KAZN: variants seen among roughly 807,000 people sequenced by gnomAD.
The protein encoded by KAZN is kazrin, periplakin interacting protein.
KAZN carries 40 observed loss-of-function variants against 87.4 expected under a neutral mutation model. The ratio of observed to expected loss-of-function variants is 0.46; its 90% CI spans 0.36 to 0.60. The LOEUF is 0.60. Among genes scored for constraint, KAZN ranks in the 20% least tolerant of loss-of-function variants. KAZN has a pLI of 0.00. For missense variants in KAZN, 898 were observed against 1,073.9 expected (o/e 0.84, Z 2.29); for synonymous variants, 466 against 458.3 (o/e 1.02, Z -0.22).
At chr1:14,447,691 G>A (rs1667061674) in intron 2 of KAZN, among the ~76,000 whole-genome samples, 1 of 152,038 alleles carries the variant, frequency 6.6e-6, no homozygotes, top group Non-Finnish European at 1.5e-5. Flanking sequence ...TCTGGCTCAG[G>A]AATTCATCTC....
rs1190801312 is a variant in KAZN at position 14,716,460 on chromosome 1, CTGTT to C, written c.226+117239_226+117242del. 2.6e-5 allele frequency among the ~76,000 whole-genome samples: 4 copies of C among 152,160 alleles called. No individual in the cohort carries two copies. In the East Asian group the frequency reaches 7.7e-4, roughly 29 times the overall value. On this transcript the variant is annotated intron_variant, in intron 1 of 14. Transcript: ENST00000376030. ...CTTTCCAATCTTTTTTCACATCTGTCTGTTTCATTCCGTTCCCACTGCCGCCCAG... is the reference window on the plus strand; with the variant it reads ...CTTTCCAATCTTTTTTCACATCTGTCTCATTCCGTTCCCACTGCCGCCCAG...
chr1:13,914,250 C>G (rs572557363), intron 1 of KAZN, among the ~76,000 whole-genome samples: 10 of 152,332 alleles, frequency 6.6e-5, no homozygotes, highest in African/African-American at 2.4e-4. Flanking sequence ...GCCCTCCTGC[C>G]GTGCCTCAGG....
At position 14,689,800 on chromosome 1, in the gene KAZN, G is replaced by A. The variant is rs573841775; in HGVS notation, c.226+90577G>A. Among the ~76,000 whole-genome samples, 3 of 152,332 alleles carry A rather than the reference G, an allele frequency of 2.0e-5. No individual in the cohort carries two copies. In the South Asian group the frequency reaches 6.2e-4, roughly 32 times the overall value. The stretch of plus-strand genomic sequence containing the variant: ...GTGTTCATCTTGTCCCGGGGCAGAG[G>A]GCGTGGTGAGACCCTCAGATGGCAG... On this transcript the variant is annotated intron_variant, in intron 1 of 14. Transcript: ENST00000376030.
intron 1 of KAZN, among the ~76,000 whole-genome samples, chr1:14,170,522 T>C (rs530916720): frequency 6.6e-6 from 1 of 152,118 alleles, no homozygotes; most frequent in African/African-American, 2.4e-5. Context: ...TTAAAAAAAA[T>C]TGCGGTAAAA....
chr1:14,699,929 G>A (rs543960333), intron 1 of KAZN, among the ~76,000 whole-genome samples: 1 of 152,242 alleles, frequency 6.6e-6, no homozygotes, highest in South Asian at 2.1e-4. Context: ...CACTAGAGTG[G>A]GCCAGACAAA....
chr1:14,929,868 A>C, intron 1 of KAZN: 1 of 985,420 alleles, frequency 1.0e-6, no homozygotes, highest in Non-Finnish European at 1.2e-6. Flanking sequence ...GGCGGCTTCT[A>C]TGAAGGTGGG....
At chr1:14,647,651 G>A (rs979432899) in intron 1 of KAZN, among the ~76,000 whole-genome samples, 7 of 152,306 alleles carry the variant, frequency 4.6e-5, no homozygotes, top group South Asian at 4.1e-4. Context: ...AATTGTTACC[G>A]TGTGGGAATC....
At chr1:14,961,762 C>T (rs1377630313) in intron 2 of KAZN, among the ~76,000 whole-genome samples, 1 of 152,148 alleles carries the variant, frequency 6.6e-6, no homozygotes, top group African/African-American at 2.4e-5. Context: ...ACAATGAATC[C>T]TCTTTAAAAA....
chr1:14,471,533 G>T (rs1199905117), intron 2 of KAZN, among the ~76,000 whole-genome samples: 2 of 152,072 alleles, frequency 1.3e-5, no homozygotes, highest in Non-Finnish European at 1.5e-5. Context: ...AGAACCATTG[G>T]GGAACGTTGA....
chr1:14,868,942 C>T (rs1268500730), intron 1 of KAZN, among the ~76,000 whole-genome samples: 3 of 152,114 alleles, frequency 2.0e-5, no homozygotes, highest in Admixed American at 1.3e-4. Context: ...TGCATCTGTT[C>T]TACTCGGTGA....
intron 2 of KAZN, among the ~76,000 whole-genome samples, chr1:14,984,375 CAAAAAAA>C (rs879713609): frequency 6.7e-6 from 1 of 149,928 alleles, no homozygotes; most frequent in Non-Finnish European, 1.5e-5. Context: ...GACTCTGTCT[CAAAAAAA>C]AGAAAAAAGA....
chr1:14,174,830 CTG>C (rs1332034668), intron 1 of KAZN, among the ~76,000 whole-genome samples: 2 of 152,294 alleles, frequency 1.3e-5, no homozygotes, highest in East Asian at 3.9e-4. Flanking sequence ...TTTATACAAT[CTG>C]TCTCTAATTC....
At chr1:14,065,301 C>G (rs1352375814) in intron 1 of KAZN, among the ~76,000 whole-genome samples, 1 of 152,110 alleles carries the variant, frequency 6.6e-6, no homozygotes, top group African/African-American at 2.4e-5. Flanking sequence ...ATTTTGCTGG[C>G]ATAGTTCCAA....
chr1:14,671,988 T>TA (rs1414938584), intron 1 of KAZN, among the ~76,000 whole-genome samples: 14 of 152,264 alleles, frequency 9.2e-5, no homozygotes, highest in African/African-American at 3.4e-4. Context: ...AAACACGTTC[T>TA]AATTATTGTT....
At chr1:14,077,590 C>A (rs1239913645) in intron 1 of KAZN, among the ~76,000 whole-genome samples, 3 of 152,024 alleles carry the variant, frequency 2.0e-5, no homozygotes, top group Non-Finnish European at 2.9e-5. Context: ...TCAGGCTCTG[C>A]GGTGATACTG....
chr1:14,935,370 G>A (rs1660329255), intron 1 of KAZN, among the ~76,000 whole-genome samples: 1 of 152,046 alleles, frequency 6.6e-6, no homozygotes, highest in Non-Finnish European at 1.5e-5. Context: ...TAGCATCAGG[G>A]GCCCTACTGT....
At chr1:14,647,091 C>T (rs1190630985) in intron 1 of KAZN, among the ~76,000 whole-genome samples, 4 of 152,322 alleles carry the variant, frequency 2.6e-5, no homozygotes, top group African/African-American at 2.4e-5. Flanking sequence ...ATTTTACTTA[C>T]ATCTTAAACC....
intron 1 of KAZN, among the ~76,000 whole-genome samples, chr1:14,737,017 T>C (rs1643929832): frequency 6.6e-6 from 1 of 152,148 alleles, no homozygotes; most frequent in African/African-American, 2.4e-5. Flanking sequence ...CGTAAGTGCA[T>C]TGCACACCTT....
At chr1:14,814,315 C>G (rs111561359) in intron 1 of KAZN, among the ~76,000 whole-genome samples, 19,429 of 152,136 alleles carry the variant, frequency 0.13, 1,369 homozygotes, top group African/African-American at 0.19. Flanking sequence ...AAACCTCTGC[C>G]CCCCGGGTTC....
Sources: allele counts gnomAD v4.1 joint callset (sites outside exome capture counted in the v4.1 genomes callset), GRCh38; gene constraint gnomAD v4.1.1; transcripts MANE v1.5; gene names NCBI Gene and HGNC (gene_info 2026-07-23, HGNC 2026-07-21).